RPS6KA5: variants seen among roughly 807,000 people sequenced by gnomAD.
RPS6KA5 encodes the protein ribosomal protein S6 kinase alpha-5.
In RPS6KA5, 27 loss-of-function variants were observed where a neutral mutation model predicts 85.5. That is an observed-to-expected ratio of 0.32 (90% CI 0.23 to 0.44). The LOEUF (loss-of-function observed/expected upper bound fraction) is 0.44, where lower values mean the gene tolerates loss of function less well. Among genes scored for constraint, RPS6KA5 ranks in the 20% least tolerant of loss-of-function variants. The probability of loss-of-function intolerance (pLI) is 1.00; values close to 1 mark genes in which losing one functional copy is unlikely to be tolerated. For synonymous variants in RPS6KA5, 334 were observed against 348.2 expected, an observed-to-expected ratio of 0.96 and a Z score of 0.46; for missense variants, 811 against 980.9, an observed-to-expected ratio of 0.83 and a Z score of 2.31.
At chr14:90,970,911 T>TAA (rs5810525) in intron 3 of RPS6KA5, among the ~76,000 whole-genome samples, 255 of 149,514 alleles carry the variant, frequency 1.7e-3, no homozygotes, top group East Asian at 8.0e-3. Flanking sequence ...GTTGTTGAAT[T>TAA]AAAAAAAAAA....
intron 2 of RPS6KA5, among the ~76,000 whole-genome samples, chr14:90,992,805 T>C (rs925750515): frequency 6.6e-6 from 1 of 152,146 alleles, no homozygotes; most frequent in Non-Finnish European, 1.5e-5. Flanking sequence ...TATAGGACTA[T>C]GTAGGTTTCT....
rs2032401045 is a variant in RPS6KA5, at chr14:90,858,756, T to C, written c.*13318A>G. 1 of 151,926 alleles carries C rather than the reference T, an allele frequency of 6.6e-6. No homozygotes were observed. The highest frequency in any genetic ancestry group is 2.1e-4 in the South Asian group (1 of 4,828). 9.4% of individuals were successfully genotyped at this position (151,926 alleles called of 1,614,324 possible). ...CACACTTTGGTGAGCTCTGTGTTCA[T>C]TTTGATTACTTCTTCAAGGCACTGC... is the stretch of plus-strand genomic sequence containing the variant. On this transcript the variant is annotated 3_prime_UTR_variant, in exon 17 of 17. Coordinates refer to ENST00000614987, the MANE Select transcript of RPS6KA5 (RefSeq NM_004755.4).
chr14:90,857,157 T>C lies in RPS6KA5; in HGVS notation c.*14917A>G, dbSNP rs2032324646. On this transcript the variant is annotated 3_prime_UTR_variant, in exon 17 of 17. Coordinates refer to ENST00000614987, the MANE Select transcript of RPS6KA5 (RefSeq NM_004755.4). The stretch of plus-strand genomic sequence containing the variant: ...AACTGTTATCTCTGGAATACGTCTT[T>C]GTAATAAAAAAAAATCCACTGGATA... 1 of 152,082 alleles carries C rather than the reference T, an allele frequency of 6.6e-6. No individual in the cohort carries two copies. Among genetic ancestry groups the C allele is most frequent in the African/African-American group, 2.4e-5 (1 of 41,398 alleles). The allele number at this position is 152,082 out of a possible 1,614,324, so 9.4% of individuals were successfully genotyped here.
chr14:90,920,270 A>C lies in RPS6KA5; in HGVS notation c.742T>G (p.Leu248Val). The change falls in exon 7 of 17, where the codon TTA becomes GTA. Residue 248 changes from leucine to valine, a missense_variant. Around this residue, in one of 3 missense-constraint regions of RPS6KA5, gnomAD observed 650 missense variants for 793.4 expected, o/e 0.82. Transcript: ENST00000614987. ...WWSLGVLMYELLTGASPFTVD... is the reference protein window; with the variant it reads ...WWSLGVLMYEVLTGASPFTVD... ...GTGAAAGGAGATGCTCCAGTTAGTA[A>C]TTCATACATTAGAACACCCAAACTC... The C allele has an allele frequency of 6.2e-7, 1 of 1,612,740 alleles. No homozygotes were observed. The highest frequency in any genetic ancestry group is 8.5e-7 in the Non-Finnish European group (1 of 1,179,152).
intron 4 of RPS6KA5, among the ~76,000 whole-genome samples, chr14:90,945,151 C>G (rs568408997): frequency 6.6e-6 from 1 of 152,002 alleles, no homozygotes; most frequent in African/African-American, 2.4e-5. Flanking sequence ...ACTCAGGAGG[C>G]TGAGGTAGGA....
intron 2 of RPS6KA5, among the ~76,000 whole-genome samples, chr14:90,996,044 C>A (rs1349504719): frequency 6.6e-6 from 1 of 152,198 alleles, no homozygotes; most frequent in African/African-American, 2.4e-5. Context: ...CAGGGTCTCG[C>A]TCTATCTCCC....
intron 15 of RPS6KA5, among the ~76,000 whole-genome samples, chr14:90,874,033 C>A (rs1015121314): frequency 6.6e-6 from 1 of 152,160 alleles, no homozygotes; most frequent in Non-Finnish European, 1.5e-5. Flanking sequence ...GCTTTTCAAT[C>A]AGGAGAAAAT....
intron 1 of RPS6KA5, among the ~76,000 whole-genome samples, chr14:91,050,265 T>C (rs1487520533): frequency 2.0e-5 from 3 of 152,012 alleles, no homozygotes; most frequent in African/African-American, 4.8e-5. Flanking sequence ...CCTACAGTCC[T>C]AGCTACTTGG....
chr14:90,985,570 A>G (rs1331217255), intron 2 of RPS6KA5, among the ~76,000 whole-genome samples: 6 of 152,220 alleles, frequency 3.9e-5, no homozygotes, highest in Admixed American at 3.9e-4. Flanking sequence ...CCTTGAATAG[A>G]ATGTTTACTA....
intron 2 of RPS6KA5, among the ~76,000 whole-genome samples, chr14:90,994,559 T>C (rs1157804616): frequency 6.9e-6 from 1 of 145,764 alleles, no homozygotes; most frequent in African/African-American, 2.6e-5. Context: ...TGGATGTTTG[T>C]GATTTTTTTT....
At position 91,005,672 on chromosome 14, in the gene RPS6KA5, A is replaced by G. The variant is rs540456420; in HGVS notation, c.104-4513T>C. Among the ~76,000 whole-genome samples, 10 of 152,352 alleles carry G rather than the reference A, an allele frequency of 6.6e-5. No individual in the cohort carries two copies. In the South Asian group the frequency reaches 2.1e-3, roughly 32 times the overall value. ...AGGTGTCTAAATAGTTTTCATTCCT[A>G]TGCTATTATTTTGTCATTGTGATTA... is the stretch of plus-strand genomic sequence containing the variant. On this transcript the variant is annotated intron_variant, in intron 1 of 16. Coordinates refer to ENST00000614987, the MANE Select transcript of RPS6KA5 (RefSeq NM_004755.4).
At chr14:91,030,485 C>T (rs938075442) in intron 1 of RPS6KA5, among the ~76,000 whole-genome samples, 12 of 151,508 alleles carry the variant, frequency 7.9e-5, no homozygotes, top group African/African-American at 2.7e-4. Context: ...AAAACTATAC[C>T]ATGTAAGCCT....
At chr14:90,893,926 A>C in intron 13 of RPS6KA5, 1 of 760,976 alleles carries the variant, frequency 1.3e-6, no homozygotes, top group Non-Finnish European at 1.6e-6. Context: ...ATAGAAAAGC[A>C]CATAGAAAGA....
intron 7 of RPS6KA5, among the ~76,000 whole-genome samples, chr14:90,915,722 C>A (rs546211620): frequency 4.6e-5 from 7 of 152,052 alleles, no homozygotes; most frequent in African/African-American, 1.7e-4. Context: ...AGGAAAATCA[C>A]TTTAACTTGG....
chr14:90,940,312 T>G (rs916228418), intron 5 of RPS6KA5, among the ~76,000 whole-genome samples: 43 of 152,146 alleles, frequency 2.8e-4, no homozygotes, highest in African/African-American at 1.0e-3. Context: ...TCCTATTTCA[T>G]TTTTGCACCC....
chr14:90,904,667 T>C (rs975345789), intron 8 of RPS6KA5, among the ~76,000 whole-genome samples: 1 of 152,188 alleles, frequency 6.6e-6, no homozygotes, highest in African/African-American at 2.4e-5. Flanking sequence ...ATGTTTAATA[T>C]GTAGAAAATG....
intron 1 of RPS6KA5, among the ~76,000 whole-genome samples, chr14:91,050,580 C>T (rs1339276062): frequency 6.6e-6 from 1 of 152,042 alleles, no homozygotes; most frequent in Non-Finnish European, 1.5e-5. Context: ...AGGCATCTGC[C>T]ACCATGGCTG....
intron 1 of RPS6KA5, among the ~76,000 whole-genome samples, chr14:91,047,473 GA>G (rs1455944037): frequency 6.6e-6 from 1 of 152,184 alleles, no homozygotes; most frequent in African/African-American, 2.4e-5. Context: ...ATTCATTAGA[GA>G]AGACACCATT....
At chr14:90,990,922 G>T (rs1212712521) in intron 2 of RPS6KA5, among the ~76,000 whole-genome samples, 1 of 152,032 alleles carries the variant, frequency 6.6e-6, no homozygotes, top group Non-Finnish European at 1.5e-5. Flanking sequence ...CTACATATAG[G>T]GTACTATGCT....
Sources: gnomAD v4.1 joint callset for allele counts (sites outside exome capture counted in the v4.1 genomes callset) on GRCh38, gnomAD v4.1.1 for gene constraint, gnomAD v4.1.1 regional missense constraint, MANE v1.5 for transcripts, NCBI Gene and HGNC (gene_info 2026-07-23, HGNC 2026-07-21) for gene names.